Variants in DPP6 observed in about 807,000 individuals in gnomAD.
DPP6 encodes dipeptidyl peptidase like 6.
A neutral mutation model predicts 122.6 loss-of-function variants in DPP6; 69 were observed. The ratio of observed to expected loss-of-function variants is 0.56; its 90% CI spans 0.46 to 0.69. The LOEUF (loss-of-function observed/expected upper bound fraction) is 0.69. Ranked by LOEUF, DPP6 falls within the 30% of genes least tolerant of loss-of-function variation. DPP6 has a pLI of 0.00. For missense variants in DPP6, 928 were observed against 1,116.9 expected (o/e 0.83, Z 2.41); for synonymous variants, 418 against 433.1 (o/e 0.97, Z 0.43).
intron 1 of DPP6, among the ~76,000 whole-genome samples, chr7:153,965,347 T>A (rs1694263260): frequency 6.6e-6 from 1 of 151,986 alleles, no homozygotes; most frequent in South Asian, 2.1e-4. Context: ...TTCTCCAGCC[T>A]CCCCTCATTA....
At chr7:153,893,474 T>G (rs1563212648) in intron 1 of DPP6, among the ~76,000 whole-genome samples, 2 of 152,248 alleles carry the variant, frequency 1.3e-5, no homozygotes, top group African/African-American at 4.8e-5. Flanking sequence ...GTTCCTTGCT[T>G]AGGACTGCTT....
intron 17 of DPP6, 86 bp from the exon 18 acceptor site, chr7:154,867,909 G>A: frequency 6.9e-7 from 1 of 1,454,972 alleles, no homozygotes; most frequent in Non-Finnish European, 9.1e-7. Flanking sequence ...GAAAGCAGCA[G>A]TTACGCACAT....
chr7:154,497,617 GAA>G (rs146292356), intron 3 of DPP6, among the ~76,000 whole-genome samples: 3 of 131,632 alleles, frequency 2.3e-5, no homozygotes, highest in Admixed American at 1.4e-4. Flanking sequence ...TCCAAAAAAA[GAA>G]AAAAAAAAAG....
intron 1 of DPP6, among the ~76,000 whole-genome samples, chr7:154,415,165 T>A (rs1816918484): frequency 6.6e-6 from 1 of 152,160 alleles, no homozygotes; most frequent in South Asian, 2.1e-4. Context: ...CCTGAAACCC[T>A]TTAGCACATA....
chr7:153,931,606 C>T lies in DPP6; in HGVS notation c.51+43872C>T, dbSNP rs533085673. On this transcript the variant is annotated intron_variant, in intron 1 of 25. Coordinates refer to the DPP6 transcript ENST00000404039. ...TTAAATTCATTATTCTGTCAGATTCCGTGGAGGGCCTCCGAGGCTGCCAGA... is the reference window on the plus strand; with the variant it reads ...TTAAATTCATTATTCTGTCAGATTCTGTGGAGGGCCTCCGAGGCTGCCAGA... Among the ~76,000 whole-genome samples the T allele has an allele frequency of 4.7e-4, 71 of 152,306 alleles. 1 individual carries two copies. The highest frequency in any genetic ancestry group is 1.5e-3 in the African/African-American group (62 of 41,550).
At chr7:153,938,584 T>G (rs1029699380) in intron 1 of DPP6, among the ~76,000 whole-genome samples, 1 of 152,236 alleles carries the variant, frequency 6.6e-6, no homozygotes, top group African/African-American at 2.4e-5. Flanking sequence ...GCTAATGCGT[T>G]CATTACATGC....
the DPP6 span, among the ~76,000 whole-genome samples, chr7:153,839,794 C>A: frequency 6.6e-6 from 1 of 152,182 alleles, no homozygotes; most frequent in Non-Finnish European, 1.5e-5. Context: ...TGCTGGGAAC[C>A]GCCCCCCTGT....
At chr7:154,531,033 T>C (rs112563693) in intron 3 of DPP6, among the ~76,000 whole-genome samples, 113 of 152,142 alleles carry the variant, frequency 7.4e-4, no homozygotes, top group African/African-American at 2.6e-3. Flanking sequence ...TCAGGAAGAA[T>C]AGCTAATGGA....
chr7:154,786,036 G>T (rs1188486157), intron 10 of DPP6, among the ~76,000 whole-genome samples: 1 of 151,976 alleles, frequency 6.6e-6, no homozygotes, highest in East Asian at 1.9e-4. Context: ...TCTACACTAA[G>T]GCCATCCTGG....
At chr7:154,173,527 C>A (rs149484201) in intron 1 of DPP6, among the ~76,000 whole-genome samples, 1 of 152,096 alleles carries the variant, frequency 6.6e-6, no homozygotes, top group Non-Finnish European at 1.5e-5. Flanking sequence ...CTGGACTCCT[C>A]TCTCTCTGCC....
the DPP6 span, among the ~76,000 whole-genome samples, chr7:153,794,486 G>T: frequency 6.6e-6 from 1 of 152,146 alleles, no homozygotes; most frequent in African/African-American, 2.4e-5. Context: ...TACCTCCATT[G>T]TATCTAGGAA....
intron 1 of DPP6, among the ~76,000 whole-genome samples, chr7:154,005,354 T>G (rs1378577617): frequency 6.6e-6 from 1 of 152,106 alleles, no homozygotes; most frequent in Non-Finnish European, 1.5e-5. Context: ...GGGCTGAACT[T>G]TAGCAGGTTC....
rs1300021691 is a variant in DPP6, at chr7:154,618,016, G to T, written c.628-19805G>T. Among the ~76,000 whole-genome samples the T allele has an allele frequency of 6.6e-6, 1 of 152,140 alleles. No individual in the cohort carries two copies. The highest frequency in any genetic ancestry group is 1.9e-4 in the East Asian group (1 of 5,186). On this transcript the variant is annotated intron_variant, in intron 5 of 25. Coordinates refer to ENST00000377770, the MANE Select transcript of DPP6 (RefSeq NM_130797.4). The surrounding 1 kb of genome is among the most constrained non-coding windows in gnomAD (Gnocchi z 4.1). ...TGCAGACCCGGGACTCAAACGATGT[G>T]CAAAGGCCTCAGTTTCTCTCTTGGT...
chr7:154,272,634 G>T (rs1803869373), intron 1 of DPP6, among the ~76,000 whole-genome samples: 3 of 152,076 alleles, frequency 2.0e-5, no homozygotes. Flanking sequence ...CAGTGTAGGG[G>T]GACTCCATTA....
At chr7:154,716,101 T>C (rs1369201919) in intron 7 of DPP6, among the ~76,000 whole-genome samples, 3 of 152,172 alleles carry the variant, frequency 2.0e-5, no homozygotes, top group Non-Finnish European at 4.4e-5. Context: ...AGTTTGTGCT[T>C]TCACTATTTC....
rs192141137 is a variant in DPP6 at position 154,740,144 on chromosome 7, C to G, written c.883+12257C>G. ...ACTCCTGAGAGATCGTGACAAATAT[C>G]TTAGGATGTTCAGTGACTATATTTT... is the stretch of plus-strand genomic sequence containing the variant. On this transcript the variant is annotated intron_variant, in intron 8 of 25. Coordinates refer to ENST00000377770, the MANE Select transcript of DPP6 (RefSeq NM_130797.4). 5.0e-3 allele frequency among the ~76,000 whole-genome samples: 754 copies of G among 152,270 alleles called. 1 individual carries two copies. Among genetic ancestry groups the G allele is most frequent in the Middle Eastern group, 0.01 (3 of 294 alleles).
At chr7:154,632,904 A>T (rs1236842742) in intron 5 of DPP6, among the ~76,000 whole-genome samples, 1 of 152,220 alleles carries the variant, frequency 6.6e-6, no homozygotes, top group Non-Finnish European at 1.5e-5. Context: ...ATATGAACTC[A>T]CCCTGTGACA....
intron 1 of DPP6, among the ~76,000 whole-genome samples, chr7:154,152,448 A>G (rs936704): frequency 8.6e-4 from 120 of 138,880 alleles, no homozygotes; most frequent in African/African-American, 2.6e-3. Flanking sequence ...GCAGGCCTCA[A>G]TCCATAACCT....
intron 6 of DPP6, among the ~76,000 whole-genome samples, chr7:154,650,341 G>A (rs1836794190): frequency 6.6e-6 from 1 of 151,796 alleles, no homozygotes; most frequent in Admixed American, 6.6e-5. Context: ...GAGAGGAAAG[G>A]AGTGGAGAGG....
Sources: allele counts gnomAD v4.1 joint callset (sites outside exome capture counted in the v4.1 genomes callset), GRCh38; gene constraint gnomAD v4.1.1; non-coding constraint Gnocchi (gnomAD v3.1); transcripts MANE v1.5; gene names NCBI Gene and HGNC (gene_info 2026-07-23, HGNC 2026-07-21).